LMBR1: variants seen among roughly 807,000 people sequenced by gnomAD.
LMBR1 encodes the protein limb region 1 protein homolog.
A neutral mutation model predicts 73.9 loss-of-function variants in LMBR1; 52 were observed. That is an observed-to-expected ratio of 0.70 (90% CI 0.56 to 0.89). LMBR1 has a LOEUF of 0.89. Ranked by LOEUF, LMBR1 falls within the 40% of genes least tolerant of loss-of-function variation. LMBR1 has a pLI of 0.00. For synonymous variants in LMBR1, 215 were observed against 209.4 expected (o/e 1.03, Z -0.23); for missense variants, 539 against 579.8 (o/e 0.93, Z 0.72).
chr7:156,725,357 T>C (rs1476545837), intron 14 of LMBR1, 78 bp downstream of exon 14: 2 of 833,086 alleles, frequency 2.4e-6, no homozygotes, highest in East Asian at 2.5e-5. Flanking sequence ...AAATGAACCA[T>C]TCAGAATGAC....
downstream of LMBR1, among the ~76,000 whole-genome samples, chr7:156,674,147 G>T (rs1803265915): frequency 6.6e-6 from 1 of 152,214 alleles, no homozygotes; most frequent in Non-Finnish European, 1.5e-5. Context: ...GAATTTCAGT[G>T]ACTGAAAGCC....
At chr7:156,740,899 T>G (rs934994103) in intron 9 of LMBR1, among the ~76,000 whole-genome samples, 2 of 152,188 alleles carry the variant, frequency 1.3e-5, no homozygotes, top group Admixed American at 1.3e-4. Flanking sequence ...TTATCGTAAG[T>G]AGAAAGATTA....
At chr7:156,834,519 CT>C in intron 2 of LMBR1, 1 of 312,816 alleles carries the variant, frequency 3.2e-6, no homozygotes, top group South Asian at 2.5e-5. Flanking sequence ...TGGAGAATCA[CT>C]TGAGCCCAGG....
chr7:156,676,456 T>C (rs746679598), downstream of LMBR1: 2 of 1,614,120 alleles, frequency 1.2e-6, no homozygotes, highest in Non-Finnish European at 1.7e-6. Context: ...TCCATCTGCC[T>C]GGCCCCTCTC....
At chr7:156,854,441 AAAT>A (rs1431303038) in intron 1 of LMBR1, among the ~76,000 whole-genome samples, 3 of 152,218 alleles carry the variant, frequency 2.0e-5, no homozygotes, top group Non-Finnish European at 2.9e-5. Context: ...GTTAATTAAA[AAAT>A]AATAATAAAA....
chr7:156,743,823 C>A (rs1819344877), intron 9 of LMBR1, among the ~76,000 whole-genome samples: 1 of 152,206 alleles, frequency 6.6e-6, no homozygotes, highest in African/African-American at 2.4e-5. Flanking sequence ...TTCTGAGTAA[C>A]TTACCCCACA....
chr7:156,704,829 C>T (rs1810573528), intron 15 of LMBR1, among the ~76,000 whole-genome samples: 1 of 149,396 alleles, frequency 6.7e-6, no homozygotes, highest in South Asian at 2.1e-4. Flanking sequence ...TCAAAAGCCT[C>T]AACAATAGAC....
chr7:156,836,203 A>G (rs1344278918), intron 2 of LMBR1, among the ~76,000 whole-genome samples: 2 of 152,222 alleles, frequency 1.3e-5, no homozygotes, highest in Non-Finnish European at 2.9e-5. Context: ...CATCACAAGC[A>G]GATAATCCTG....
intron 15 of LMBR1, among the ~76,000 whole-genome samples, chr7:156,710,732 A>T (rs2132179789): frequency 6.6e-6 from 1 of 152,386 alleles, no homozygotes; most frequent in Non-Finnish European, 1.5e-5. Flanking sequence ...GGTTATCTAA[A>T]GTCAAAACGA....
chr7:156,754,507 A>G (rs1246284191), intron 9 of LMBR1, among the ~76,000 whole-genome samples: 2 of 151,926 alleles, frequency 1.3e-5, no homozygotes, highest in Non-Finnish European at 2.9e-5. Context: ...CCCAACACAC[A>G]CTAAGAAAGC....
downstream of LMBR1, among the ~76,000 whole-genome samples, chr7:156,677,615 T>C (rs892496042): frequency 1.5e-4 from 23 of 152,172 alleles, no homozygotes; most frequent in African/African-American, 5.1e-4. Context: ...GGTGTGCACA[T>C]GGCATGGGCT....
chr7:156,728,536 G>A (rs1585410438), intron 11 of LMBR1, 108 bp downstream of exon 11: 1 of 733,072 alleles, frequency 1.4e-6, no homozygotes, highest in Admixed American at 2.8e-5. Flanking sequence ...CCTGTTGATA[G>A]AAAACTAGTT....
At chr7:156,880,904 C>A (rs1800986497) in intron 1 of LMBR1, among the ~76,000 whole-genome samples, 1 of 152,144 alleles carries the variant, frequency 6.6e-6, no homozygotes, top group Non-Finnish European at 1.5e-5. Context: ...CCACCCGCCT[C>A]GGCTTCCCAA....
chr7:156,696,477 C>A (rs989658215), intron 15 of LMBR1, among the ~76,000 whole-genome samples: 1 of 152,102 alleles, frequency 6.6e-6, no homozygotes, highest in African/African-American at 2.4e-5. Context: ...AAAGACATAC[C>A]CGAGACTGGG....
At chr7:156,869,410 T>C (rs1357157313) in intron 1 of LMBR1, among the ~76,000 whole-genome samples, 2 of 152,184 alleles carry the variant, frequency 1.3e-5, no homozygotes, top group African/African-American at 2.4e-5. Context: ...CCAGAAATCA[T>C]GCTGCAAGAC....
chr7:156,699,929 T>C (rs571210188), intron 15 of LMBR1, among the ~76,000 whole-genome samples: 10 of 152,226 alleles, frequency 6.6e-5, no homozygotes, highest in South Asian at 2.1e-4. Flanking sequence ...TGTGGAGAAA[T>C]AGGAACACTT....
At position 156,734,222 on chromosome 7, in the gene LMBR1, A is replaced by C. The variant is rs757777868; in HGVS notation, c.793T>G (p.Leu265Val). Residue 265 changes from leucine to valine, a missense_variant, in exon 10 of 17, where the codon TTG becomes GTG. Transcript: ENST00000353442. ...SSSVEYNIME[L>V]EQELENVKTL... ...TTTACATTTTCAAGTTCTTGTTCCA[A>C]CTCCATTATGTTGTATTCCACCGAT... The C allele has an allele frequency of 6.2e-7, 1 of 1,609,230 alleles. No homozygotes were observed. Among genetic ancestry groups the C allele is most frequent in the Non-Finnish European group, 8.5e-7 (1 of 1,178,558 alleles).
At chr7:156,720,143 G>C (rs1433157631) in intron 15 of LMBR1, among the ~76,000 whole-genome samples, 1 of 151,476 alleles carries the variant, frequency 6.6e-6, no homozygotes, top group Admixed American at 6.6e-5. Context: ...CACAGCAAAA[G>C]AAACTACCAT....
intron 1 of LMBR1, among the ~76,000 whole-genome samples, chr7:156,863,135 G>C (rs1212972267): frequency 6.6e-6 from 1 of 151,388 alleles, no homozygotes; most frequent in Non-Finnish European, 1.5e-5. Flanking sequence ...GATACAAATA[G>C]ATATATATAT....
Sources: allele counts gnomAD v4.1 joint callset (sites outside exome capture counted in the v4.1 genomes callset), GRCh38; gene constraint gnomAD v4.1.1; transcripts MANE v1.5; gene names NCBI Gene and HGNC (gene_info 2026-07-23, HGNC 2026-07-21).